RSPH14: variants seen among roughly 807,000 people sequenced by gnomAD.
RSPH14 encodes the protein rhabdoid tumor deletion region gene 1.
A neutral mutation model predicts 26.7 loss-of-function variants in RSPH14; 20 were observed. The observed-to-expected ratio is 0.75, with a 90% confidence interval of 0.53 to 1.09. The LOEUF (loss-of-function observed/expected upper bound fraction) is 1.09. RSPH14 is among the 50% of genes least tolerant of loss of function. The pLI is 0.00. For missense variants in RSPH14, 449 were observed against 457.2 expected (o/e 0.98, Z 0.16); for synonymous variants, 177 against 189.3 (o/e 0.93, Z 0.53).
At chr22:23,153,012 C>T in the RSPH14 span, 55 of 1,571,328 alleles carry the variant, frequency 3.5e-5, no homozygotes, top group South Asian at 5.0e-4. Context: ...ACCCCTGTGA[C>T]GACTTCCTCA....
At chr22:23,153,757 C>A in the RSPH14 span, among the ~76,000 whole-genome samples, 1 of 133,316 alleles carries the variant, frequency 7.5e-6, no homozygotes, top group Non-Finnish European at 1.5e-5. Flanking sequence ...AGTGCAGTGG[C>A]GCAATCTCAG....
At chr22:23,061,201 T>G (rs1226293460) in intron 6 of RSPH14, among the ~76,000 whole-genome samples, 1 of 152,010 alleles carries the variant, frequency 6.6e-6, no homozygotes, top group Non-Finnish European at 1.5e-5. Context: ...CTGGTGGGTG[T>G]GTAGGGGCCA....
chr22:23,155,972 G>T, the RSPH14 span: 1 of 1,610,962 alleles, frequency 6.2e-7, no homozygotes, highest in Non-Finnish European at 8.5e-7. Context: ...TCACAGCTGG[G>T]ACACAGCTGG....
At chr22:23,079,645 G>A (rs2068617930) in intron 4 of RSPH14, among the ~76,000 whole-genome samples, 1 of 152,234 alleles carries the variant, frequency 6.6e-6, no homozygotes, top group African/African-American at 2.4e-5. Context: ...GGCTGCTGGT[G>A]GAGCACAGGG....
intron 4 of RSPH14, among the ~76,000 whole-genome samples, chr22:23,103,650 C>G (rs539824842): frequency 6.6e-6 from 1 of 152,218 alleles, no homozygotes; most frequent in Non-Finnish European, 1.5e-5. Flanking sequence ...TTGGCTAACA[C>G]GAGACCACAA....
At chr22:23,086,499 T>C (rs1415610246) in intron 4 of RSPH14, among the ~76,000 whole-genome samples, 1 of 152,212 alleles carries the variant, frequency 6.6e-6, no homozygotes, top group East Asian at 1.9e-4. Flanking sequence ...CCTGGGCACC[T>C]TCCTCTCCTC....
At chr22:23,179,885 G>C in the RSPH14 span, 1 of 231,510 alleles carries the variant, frequency 4.3e-6, no homozygotes, top group Non-Finnish European at 8.3e-6. Context: ...TGAGGCTGGT[G>C]AGAGGCCAGG....
chr22:23,066,677 G>C, intron 4 of RSPH14, among the ~76,000 whole-genome samples: 1 of 152,194 alleles, frequency 6.6e-6, no homozygotes, highest in South Asian at 2.1e-4. Flanking sequence ...TTGCTCAAGT[G>C]GGGGTGGGGC....
intron 4 of RSPH14, among the ~76,000 whole-genome samples, chr22:23,076,771 C>T (rs2146257344): frequency 6.6e-6 from 1 of 152,346 alleles, no homozygotes; most frequent in South Asian, 2.1e-4. Flanking sequence ...AGTAAAGGAA[C>T]ATGATGATGG....
At chr22:23,160,445 C>T in the RSPH14 span, among the ~76,000 whole-genome samples, 2 of 152,212 alleles carry the variant, frequency 1.3e-5, no homozygotes, top group Non-Finnish European at 2.9e-5. Context: ...ATAAAGGCTC[C>T]ATGTGGGGGC....
chr22:23,152,467 ACT>A, the RSPH14 span: 1 of 1,613,996 alleles, frequency 6.2e-7, no homozygotes, highest in East Asian at 2.2e-5. Context: ...ACAGGCTCAA[ACT>A]CTCCAAGGTG....
chr22:23,151,495 C>T, the RSPH14 span, among the ~76,000 whole-genome samples: 1 of 152,210 alleles, frequency 6.6e-6, no homozygotes, highest in African/African-American at 2.4e-5. Context: ...TTGCTGTCTG[C>T]AGGCAGAGGA....
chr22:23,091,963 G>A (rs888872093), intron 4 of RSPH14, among the ~76,000 whole-genome samples: 16 of 151,906 alleles, frequency 1.1e-4, no homozygotes. Flanking sequence ...CCCACACACC[G>A]CAGGGCCTTA....
intron 4 of RSPH14, among the ~76,000 whole-genome samples, chr22:23,098,881 G>C (rs947492063): frequency 6.6e-6 from 1 of 152,236 alleles, no homozygotes; most frequent in Non-Finnish European, 1.5e-5. Context: ...CAGAGCCAGT[G>C]CTGGCACGGG....
rs550956834 is a variant in RSPH14 at position 23,139,107 on chromosome 22, A to G, written c.200-165T>C. ...TCATGTTGGTTATGCAGCATTTCAGAGTCACTGAAGAGGCTCATGTCTCAT... is the reference window on the plus strand; with the variant it reads ...TCATGTTGGTTATGCAGCATTTCAGGGTCACTGAAGAGGCTCATGTCTCAT... On this transcript the variant is annotated intron_variant, in intron 2 of 6. Transcript: ENST00000216036. 4.5e-4 allele frequency among the ~76,000 whole-genome samples: 68 copies of G among 152,312 alleles called. 1 individual carries two copies. In the Middle Eastern group the frequency reaches 0.01, roughly 23 times the overall value.
the RSPH14 span, among the ~76,000 whole-genome samples, chr22:23,178,430 AT>A: frequency 6.6e-6 from 1 of 151,814 alleles, no homozygotes; most frequent in Non-Finnish European, 1.5e-5. Flanking sequence ...AAAAAAAAAA[AT>A]AGGCCACTGA....
intron 1 of RSPH14, among the ~76,000 whole-genome samples, chr22:23,140,784 T>G (rs1355331681): frequency 6.6e-6 from 1 of 152,208 alleles, no homozygotes; most frequent in African/African-American, 2.4e-5. Flanking sequence ...AAACTCCAAG[T>G]TGGTCACTCT....
intron 4 of RSPH14, 129 bp from the exon 5 acceptor site, chr22:23,064,262 G>A (rs2068155827): frequency 8.9e-6 from 7 of 786,546 alleles, no homozygotes; most frequent in Non-Finnish European, 1.5e-5. Flanking sequence ...ACTTGCAAGT[G>A]CCACCCCCAC....
the RSPH14 span, among the ~76,000 whole-genome samples, chr22:23,169,881 T>C: frequency 6.6e-6 from 1 of 151,812 alleles, no homozygotes; most frequent in Admixed American, 6.6e-5. Flanking sequence ...GGTGGGCGGA[T>C]CGCTTGAGCT....
Sources: gnomAD v4.1 joint callset for allele counts (sites outside exome capture counted in the v4.1 genomes callset) on GRCh38, gnomAD v4.1.1 for gene constraint, MANE v1.5 for transcripts, NCBI Gene and HGNC (gene_info 2026-07-23, HGNC 2026-07-21) for gene names.